The following ARHGAP1 variants were observed in gnomAD, a reference collection of about 807,000 sequenced individuals.
ARHGAP1 encodes the protein rho GTPase-activating protein 1.
A neutral mutation model predicts 52.2 loss-of-function variants in ARHGAP1; 23 were observed. The observed-to-expected ratio is 0.44, with a 90% CI of 0.32 to 0.62. The LOEUF is 0.62. Among genes scored for constraint, ARHGAP1 ranks in the 20% least tolerant of loss-of-function variants. The pLI is 0.05. For missense variants in ARHGAP1, 480 were observed against 560.9 expected, an observed-to-expected ratio of 0.86 and a Z score of 1.46; for synonymous variants, 210 against 228.4, an observed-to-expected ratio of 0.92 and a Z score of 0.73.
In ARHGAP1 at chr11:46,696,040, A is replaced by G. The variant is rs1169602059; in HGVS notation, c.68T>C (p.Leu23Pro). Residue 23 changes from leucine to proline, a missense_variant, in exon 2 of 13, where the codon CTG (leucine) becomes CCG (proline). By Grantham distance (98) the Leu-to-Pro change is moderately conservative. Transcript: ENST00000311956. This position sits in a 1 kb window ranked among gnomAD's most constrained non-coding sequence, Gnocchi z 4.8. ...CTTCTCATCGATGGAGGCCAGCTTC[A>G]GCTGGTTCAGAGCCTCGCTGGTGTC... The part of the protein sequence containing the change: ...LDDTSEALNQ[L>P]KLASIDEKNW... The G allele has an allele frequency of 2.5e-6, 4 of 1,613,968 alleles. No homozygotes were observed. Among genetic ancestry groups the G allele is most frequent in the African/African-American group, 1.3e-5 (1 of 74,944 alleles).
chr11:46,687,120 T>C (rs2064576280), intron 4 of ARHGAP1: 1 of 152,282 alleles, frequency 6.6e-6, no homozygotes, highest in Non-Finnish European at 1.5e-5. Flanking sequence ...ACATCAGACA[T>C]AGAAAGAACT....
At position 46,696,273 on chromosome 11, in the gene ARHGAP1, C is replaced by T. The variant is rs887332825; in HGVS notation, c.-49-117G>A. 14 of 656,796 alleles carry T rather than the reference C, an allele frequency of 2.1e-5. No homozygotes were observed. The highest frequency in any genetic ancestry group is 3.3e-5 in the Non-Finnish European group (13 of 390,922). The allele number at this position is 656,796 out of a possible 1,614,324, so 40.7% of individuals were successfully genotyped here. On this transcript the variant is annotated intron_variant, in intron 1 of 12. Transcript: ENST00000311956. This position sits in a 1 kb window ranked among gnomAD's most constrained non-coding sequence, Gnocchi z 4.8. ...CTCTCCCAGGCTCCCTGTCCCTATTCCTCAACACTCCTCATCCCCGCCAAG... is the reference window on the plus strand; with the variant it reads ...CTCTCCCAGGCTCCCTGTCCCTATTTCTCAACACTCCTCATCCCCGCCAAG...
rs774558378 is a variant in ARHGAP1, at chr11:46,679,618, C to T, written c.1027+30G>A. The T allele has an allele frequency of 6.2e-7, 1 of 1,613,544 alleles. No homozygotes were observed. The highest frequency in any genetic ancestry group is 8.5e-7 in the Non-Finnish European group (1 of 1,179,774). ...CAGCGCACCTGCCCCAAGTCCAGCCCCAGGCCCAACAGAAGAGATGGGGAC... is the reference window on the plus strand; with the variant it reads ...CAGCGCACCTGCCCCAAGTCCAGCCTCAGGCCCAACAGAAGAGATGGGGAC... On this transcript the variant is annotated intron_variant, in intron 11 of 12. Coordinates refer to ENST00000311956, the MANE Select transcript of ARHGAP1 (RefSeq NM_004308.5). This position sits in a 1 kb window ranked among gnomAD's most constrained non-coding sequence, Gnocchi z 4.4.
chr11:46,687,962 A>G (rs2064583991), intron 4 of ARHGAP1: 2 of 541,866 alleles, frequency 3.7e-6, no homozygotes, highest in African/African-American at 1.9e-5. Context: ...GATGCTTACC[A>G]AGGTCACCCA....
chr11:46,693,699 C>T (rs950657567), intron 3 of ARHGAP1, among the ~76,000 whole-genome samples: 1 of 152,130 alleles, frequency 6.6e-6, no homozygotes, highest in African/African-American at 2.4e-5. Flanking sequence ...CTCAAACCAG[C>T]CCCACCCACA....
Position 46,677,945 on chromosome 11 carries a change from A to G in ARHGAP1, c.*1092T>C, listed in dbSNP as rs11038968. 0.023 allele frequency: 4,429 copies of G among 192,832 alleles called. 170 individuals carry two copies. The highest frequency in any genetic ancestry group is 0.098 in the African/African-American group (3,999 of 40,850). 11.9% of individuals were successfully genotyped at this position (192,832 alleles called of 1,614,324 possible). On this transcript the variant is annotated 3_prime_UTR_variant, in exon 13 of 13. Coordinates refer to ENST00000311956, the MANE Select transcript of ARHGAP1 (RefSeq NM_004308.5). ...GTGACAGAGCGAGACTCCATCTCAG[A>G]AAAAAAAAAAAAAAGGTGGCCCTAG... is the stretch of plus-strand genomic sequence containing the variant.
In ARHGAP1 at chr11:46,682,194, A is replaced by C; in HGVS notation, c.318-12T>G. 1.2e-6 allele frequency: 2 copies of C among 1,613,854 alleles called. No individual in the cohort carries two copies. Among genetic ancestry groups the C allele is most frequent in the Non-Finnish European group, 1.7e-6 (2 of 1,179,864 alleles). Reference sequence around the variant, plus strand: ...TGTGCTTCAGGTACCTTCCAGGGAAAAGCCCTGCTCAGGCCTGCCCTGTGC... The same window carrying C: ...TGTGCTTCAGGTACCTTCCAGGGAACAGCCCTGCTCAGGCCTGCCCTGTGC... On this transcript the variant is annotated splice_polypyrimidine_tract_variant and intron_variant, in intron 4 of 12. Transcript: ENST00000311956.
chr11:46,691,139 A>G (rs1048290386), intron 3 of ARHGAP1, among the ~76,000 whole-genome samples: 11 of 151,986 alleles, frequency 7.2e-5, no homozygotes, highest in African/African-American at 2.7e-4. Flanking sequence ...AGTAGCTGGG[A>G]TTACAGTTGC....
In ARHGAP1 at chr11:46,695,683, C is replaced by T. The variant is rs1419571885; in HGVS notation, c.206G>A (p.Arg69Gln). Residue 69 changes from arginine (R) to glutamine (Q), a missense_variant, in exon 3 of 13, where the codon CGG becomes CAG. Coordinates refer to ENST00000311956, the MANE Select transcript of ARHGAP1 (RefSeq NM_004308.5). ...ACCTGCCACCTCCACGATCTGGTGC[C>T]GGGCGATGTCATAGTATGGGTCATC... ...KWDDPYYDIARHQIVEVAGDD... is the reference protein window; with the variant it reads ...KWDDPYYDIAQHQIVEVAGDD... The T allele has an allele frequency of 9.7e-6, 15 of 1,551,718 alleles. No homozygotes were observed. The highest frequency in any genetic ancestry group is 3.9e-5 in the Admixed American group (2 of 50,990).
intron 3 of ARHGAP1, among the ~76,000 whole-genome samples, chr11:46,693,480 A>G (rs2064630057): frequency 2.0e-5 from 3 of 150,446 alleles, no homozygotes; most frequent in Middle Eastern, 6.8e-3. Flanking sequence ...ATCATAGCTC[A>G]CTGCAGCCTC....
At chr11:46,700,150 T>G (rs753399084) in intron 1 of ARHGAP1, among the ~76,000 whole-genome samples, 2 of 152,036 alleles carry the variant, frequency 1.3e-5, no homozygotes, top group Non-Finnish European at 2.9e-5. Context: ...AGAGTGAAAC[T>G]CCGTCTTAAA....
At chr11:46,687,829 T>G in intron 4 of ARHGAP1, 1 of 251,868 alleles carries the variant, frequency 4.0e-6, no homozygotes, top group South Asian at 7.1e-5. Flanking sequence ...ACCATAGGAT[T>G]ATAACAGTCA....
In ARHGAP1 at chr11:46,678,260, T is replaced by G. The variant is rs1263783566; in HGVS notation, c.*777A>C. 2 of 176,806 alleles carry G rather than the reference T, an allele frequency of 1.1e-5. No homozygotes were observed. The highest frequency in any genetic ancestry group is 2.4e-5 in the Non-Finnish European group (2 of 81,886). The allele number at this position is 176,806 out of a possible 1,614,324, so 11.0% of individuals were successfully genotyped here. A position where few individuals can be genotyped will look rare whatever the true frequency, so the allele number is the denominator to read the frequency against. On this transcript the variant is annotated 3_prime_UTR_variant, in exon 13 of 13. Coordinates refer to ENST00000311956, the MANE Select transcript of ARHGAP1 (RefSeq NM_004308.5). ...GAGGCTAACCTGGCCGGTCACTGATTCCATCACACGCTGTAGCTCTCGGGG... is the reference window on the plus strand; with the variant it reads ...GAGGCTAACCTGGCCGGTCACTGATGCCATCACACGCTGTAGCTCTCGGGG...
intron 4 of ARHGAP1, among the ~76,000 whole-genome samples, chr11:46,683,996 T>G (rs1267171937): frequency 2.0e-5 from 3 of 152,152 alleles, no homozygotes; most frequent in Non-Finnish European, 4.4e-5. Context: ...GGGACACTAC[T>G]GCAGGCTGGG....
rs1228839515 is a variant in ARHGAP1, at chr11:46,679,393, A to G, written c.1103T>C (p.Leu368Pro). Residue 368 changes from leucine to proline, a missense_variant, in exon 12 of 13, where the codon CTT becomes CCT. By Grantham distance (98) the Leu-to-Pro change is moderately conservative. Transcript: ENST00000311956. This position sits in a 1 kb window ranked among gnomAD's most constrained non-coding sequence, Gnocchi z 4.4. ...CACCAGGAAAGCAGTCAGGAAACGA[A>G]GCACCTGGTAGTTCTCCTCGGGCAG... is the stretch of plus-strand genomic sequence containing the variant. The part of the protein sequence containing the change: ...QTLPEENYQV[L>P]RFLTAFLVQI... The G allele has an allele frequency of 6.2e-7, 1 of 1,614,174 alleles. No homozygotes were observed. The highest frequency in any genetic ancestry group is 8.5e-7 in the Non-Finnish European group (1 of 1,180,014).
chr11:46,678,943 ATC>A lies in ARHGAP1; in HGVS notation c.*92_*93del. On this transcript the variant is annotated 3_prime_UTR_variant, in exon 13 of 13. Transcript: ENST00000311956. Reference sequence around the variant, plus strand: ...AGCATGCCTGATGGGTGGCTCCAACATCTCTCTCCAGGGGGCTTCATGGCCCC... The same window carrying A: ...AGCATGCCTGATGGGTGGCTCCAACATCTCTCCAGGGGGCTTCATGGCCCC... 1 of 1,393,194 alleles carries A rather than the reference ATC, an allele frequency of 7.2e-7. No homozygotes were observed. Among genetic ancestry groups the A allele is most frequent in the Non-Finnish European group, 9.8e-7 (1 of 1,021,892 alleles). 86.3% of individuals were successfully genotyped at this position (1,393,194 alleles called of 1,614,324 possible).
chr11:46,696,144 C>T lies in ARHGAP1; in HGVS notation c.-37G>A, dbSNP rs369583971. On this transcript the variant is annotated 5_prime_UTR_variant, in exon 2 of 13. Transcript: ENST00000311956. The surrounding 1 kb of genome is among the most constrained non-coding windows in gnomAD (Gnocchi z 4.8). ...TCCCAGACAGCCTTGCCCTGCAGAA[C>T]CTTAAGAGAAACCTGGGAGAGAGGA... is the stretch of plus-strand genomic sequence containing the variant. 9 of 1,557,302 alleles carry T rather than the reference C, an allele frequency of 5.8e-6. No homozygotes were observed. The highest frequency in any genetic ancestry group is 7.8e-6 in the Non-Finnish European group (9 of 1,151,418).
intron 4 of ARHGAP1, among the ~76,000 whole-genome samples, chr11:46,686,012 C>T (rs1236752922): frequency 1.4e-5 from 2 of 147,396 alleles, no homozygotes; most frequent in African/African-American, 5.0e-5. Context: ...CGCTCTGTCA[C>T]CCAGGCTGCA....
At chr11:46,683,081 C>G (rs2064541154) in intron 4 of ARHGAP1, among the ~76,000 whole-genome samples, 1 of 149,970 alleles carries the variant, frequency 6.7e-6, no homozygotes, top group Non-Finnish European at 1.5e-5. Flanking sequence ...TACTGTCACC[C>G]AGGCTGGGGC....
Sources: allele counts gnomAD v4.1 joint callset (sites outside exome capture counted in the v4.1 genomes callset), GRCh38; gene constraint gnomAD v4.1.1; non-coding constraint Gnocchi (gnomAD v3.1); transcripts MANE v1.5; gene names NCBI Gene and HGNC (gene_info 2026-07-23, HGNC 2026-07-21).